The following CDYL variants were observed in gnomAD, a reference collection of about 807,000 sequenced individuals.
CDYL encodes the protein chromodomain Y like.
CDYL carries 8 observed loss-of-function variants against 47.3 expected under a neutral mutation model. The ratio of observed to expected loss-of-function variants is 0.17; its 90% CI spans 0.10 to 0.31. The LOEUF (loss-of-function observed/expected upper bound fraction) is 0.31, where lower values mean the gene tolerates loss of function less well. Ranked by LOEUF, CDYL falls within the 10% of genes least tolerant of loss-of-function variation. The pLI, the probability that CDYL is intolerant of heterozygous loss-of-function variation, is 1.00. For synonymous variants in CDYL, 266 were observed against 265.0 expected, an observed-to-expected ratio of 1.00 and a Z score of -0.04; for missense variants, 471 against 701.4, an observed-to-expected ratio of 0.67 and a Z score of 3.71.
At chr6:4,759,074 T>C (rs960662633) in intron 3 of CDYL, among the ~76,000 whole-genome samples, 4 of 150,338 alleles carry the variant, frequency 2.7e-5, no homozygotes, top group African/African-American at 9.8e-5. Context: ...GTTCACGCCA[T>C]TCTCCTGCCT....
chr6:4,755,476 T>G (rs1758061117), intron 3 of CDYL, among the ~76,000 whole-genome samples: 1 of 152,238 alleles, frequency 6.6e-6, no homozygotes, highest in Non-Finnish European at 1.5e-5. Flanking sequence ...TAAACCTTCT[T>G]AAAGTATCAA....
At chr6:4,792,774 C>T (rs1224134688) in intron 1 of CDYL, among the ~76,000 whole-genome samples, 1 of 152,058 alleles carries the variant, frequency 6.6e-6, no homozygotes, top group Non-Finnish European at 1.5e-5. Flanking sequence ...TCCTTCCTAC[C>T]CCAAGATCAT....
Position 4,954,188 on chromosome 6 carries a change from A to G in CDYL, c.*132A>G. Reference sequence around the variant, plus strand: ...GCTTACGCTTGGAAGCAGGACTGGGAACATCCACGCTATTTATTATCGAGG... The same window carrying G: ...GCTTACGCTTGGAAGCAGGACTGGGGACATCCACGCTATTTATTATCGAGG... On this transcript the variant is annotated 3_prime_UTR_variant, in exon 7 of 7. Coordinates refer to ENST00000397588, the MANE Select transcript of CDYL (RefSeq NM_004824.4). 1 of 827,200 alleles carries G rather than the reference A, an allele frequency of 1.2e-6. No individual in the cohort carries two copies. The highest frequency in any genetic ancestry group is 1.8e-6 in the Non-Finnish European group (1 of 548,088). The allele number at this position is 827,200 out of a possible 1,614,324, so 51.2% of individuals were successfully genotyped here.
At position 4,895,339 on chromosome 6, in the gene CDYL, A is replaced by G. The variant is rs1211863526; in HGVS notation, c.691+2960A>G. 6.3e-5 allele frequency among the ~76,000 whole-genome samples: 9 copies of G among 143,232 alleles called. 2 individuals carry two copies. Among genetic ancestry groups the G allele is most frequent in the African/African-American group, 2.6e-4 (9 of 34,380 alleles). The allele number at this position is 143,232 out of a possible 152,430, so 94.0% of individuals were successfully genotyped here. On this transcript the variant is annotated intron_variant, in intron 2 of 6. Coordinates refer to ENST00000397588, the MANE Select transcript of CDYL (RefSeq NM_004824.4). ...TATGCATGTATGTATATATGTGCAT[A>G]TATGCATGTATGTATATATGTGCAT... is the stretch of plus-strand genomic sequence containing the variant.
chr6:4,841,978 T>A (rs184182349), intron 1 of CDYL, among the ~76,000 whole-genome samples: 1 of 144,760 alleles, frequency 6.9e-6, no homozygotes, highest in South Asian at 2.1e-4. Flanking sequence ...ATATTAATAT[T>A]AATAATAAAT....
chr6:4,902,404 CAAAAAA>C (rs35164020), intron 2 of CDYL, among the ~76,000 whole-genome samples: 1 of 95,866 alleles, frequency 1.0e-5, no homozygotes, highest in Non-Finnish European at 2.1e-5. Flanking sequence ...AGCTCCATCT[CAAAAAA>C]AAAAAAAAAA....
At chr6:4,765,075 C>T (rs141467570) in intron 3 of CDYL, among the ~76,000 whole-genome samples, 52 of 152,272 alleles carry the variant, frequency 3.4e-4, no homozygotes, top group Middle Eastern at 3.4e-3. Context: ...GTAATCCCAG[C>T]ACTTTGGGAG....
At chr6:4,841,694 C>T (rs1760494743) in intron 1 of CDYL, among the ~76,000 whole-genome samples, 1 of 151,810 alleles carries the variant, frequency 6.6e-6, no homozygotes, top group African/African-American at 2.4e-5. Flanking sequence ...TATGTTTTTG[C>T]CTGGTTTTGA....
intron 1 of CDYL, among the ~76,000 whole-genome samples, chr6:4,818,390 T>C (rs1022497): frequency 0.027 from 4,125 of 152,250 alleles, 194 homozygotes; most frequent in African/African-American, 0.094. Context: ...TTTCTAAGCC[T>C]TTTGAAGGTG....
intron 2 of CDYL, among the ~76,000 whole-genome samples, chr6:4,907,382 T>C (rs1021871298): frequency 4.6e-5 from 7 of 152,160 alleles, no homozygotes; most frequent in Non-Finnish European, 8.8e-5. Context: ...TGAGACAGGG[T>C]CCGGCTCCGT....
At chr6:4,877,998 G>A (rs891583547) in intron 1 of CDYL, among the ~76,000 whole-genome samples, 1 of 152,058 alleles carries the variant, frequency 6.6e-6, no homozygotes, top group African/African-American at 2.4e-5. Flanking sequence ...TAATTTCTCA[G>A]CAGTATTTTA....
intron 1 of CDYL, among the ~76,000 whole-genome samples, chr6:4,808,509 T>A (rs1561647636): frequency 6.6e-6 from 1 of 152,248 alleles, no homozygotes; most frequent in Non-Finnish European, 1.5e-5. Flanking sequence ...CAAATCCCTC[T>A]GAGAAGCAGC....
chr6:4,717,121 C>T (rs1323345883), intron 2 of CDYL, among the ~76,000 whole-genome samples: 1 of 152,050 alleles, frequency 6.6e-6, no homozygotes, highest in African/African-American at 2.4e-5. Context: ...ATAAGGGGTC[C>T]AAAGTCACTT....
intron 2 of CDYL, among the ~76,000 whole-genome samples, chr6:4,894,053 A>G (rs1456273269): frequency 1.3e-5 from 2 of 152,206 alleles, no homozygotes; most frequent in East Asian, 3.9e-4. Context: ...TTGACTTCCT[A>G]TATTGTTTGA....
intron 2 of CDYL, among the ~76,000 whole-genome samples, chr6:4,892,880 G>C (rs923020676): frequency 1.3e-5 from 2 of 152,118 alleles, no homozygotes; most frequent in Admixed American, 6.6e-5. Flanking sequence ...TGTTGTGATC[G>C]GCAGTGCAGG....
intron 1 of CDYL, among the ~76,000 whole-genome samples, chr6:4,707,090 C>T (rs1243118467): frequency 1.3e-5 from 2 of 152,050 alleles, no homozygotes. Flanking sequence ...AAGATGCATT[C>T]CATGAAGTCA....
At chr6:4,760,828 TAGA>T (rs1758163906) in intron 3 of CDYL, among the ~76,000 whole-genome samples, 1 of 151,158 alleles carries the variant, frequency 6.6e-6, no homozygotes, top group South Asian at 2.1e-4. Flanking sequence ...CAAACAAAAC[TAGA>T]TAAATCAGTG....
intron 2 of CDYL, among the ~76,000 whole-genome samples, chr6:4,897,802 T>TTTTTTTTTTA (rs1249743935): frequency 8.6e-5 from 13 of 151,246 alleles, no homozygotes; most frequent in Admixed American, 3.9e-4. Context: ...TTTTTTTTTT[T>TTTTTTTTTTA]AAATTATCCA....
chr6:4,894,470 C>T (rs1325074941), intron 2 of CDYL, among the ~76,000 whole-genome samples: 4 of 152,170 alleles, frequency 2.6e-5, no homozygotes, highest in East Asian at 1.9e-4. Flanking sequence ...AGAAAAAAAT[C>T]GGGAGGAATA....
Sources: gnomAD v4.1 joint callset for allele counts (sites outside exome capture counted in the v4.1 genomes callset) on GRCh38, gnomAD v4.1.1 for gene constraint, MANE v1.5 for transcripts, NCBI Gene and HGNC (gene_info 2026-07-23, HGNC 2026-07-21) for gene names.